HEMK2: variants seen among roughly 807,000 people sequenced by gnomAD.
The protein encoded by HEMK2 is HemK methyltransferase 2, ETF1 glutamine and histone H4 lysine.
chr21:28,841,399 A>G, the HEMK2 span, among the ~76,000 whole-genome samples: 1 of 38,046 alleles, frequency 2.6e-5, no homozygotes, highest in Non-Finnish European at 3.8e-5. Flanking sequence ...AAAATATTAT[A>G]TATATAATAT....
chr21:28,858,195 A>C, the HEMK2 span, among the ~76,000 whole-genome samples: 1 of 152,192 alleles, frequency 6.6e-6, no homozygotes, highest in African/African-American at 2.4e-5. Flanking sequence ...GCAAATAGCT[A>C]TGATTTGTTT....
chr21:28,688,992 T>C, the HEMK2 span, among the ~76,000 whole-genome samples: 8 of 152,116 alleles, frequency 5.3e-5, no homozygotes, highest in African/African-American at 7.2e-5. Flanking sequence ...ACAGAGACAA[T>C]ATGGCACACA....
the HEMK2 span, among the ~76,000 whole-genome samples, chr21:28,680,097 T>A: frequency 6.6e-6 from 1 of 152,120 alleles, no homozygotes; most frequent in Non-Finnish European, 1.5e-5. Context: ...CTTTAAAAAA[T>A]CAATGAATCC....
chr21:28,865,059 T>C, the HEMK2 span, among the ~76,000 whole-genome samples: 1 of 152,144 alleles, frequency 6.6e-6, no homozygotes, highest in Non-Finnish European at 1.5e-5. Context: ...CACTACCATC[T>C]CTTCATTTAA....
the HEMK2 span, among the ~76,000 whole-genome samples, chr21:28,829,108 ATCC>A: frequency 6.6e-6 from 1 of 152,188 alleles, no homozygotes; most frequent in South Asian, 2.1e-4. Context: ...GCCTGGAGGG[ATCC>A]TCAACAATCT....
the HEMK2 span, among the ~76,000 whole-genome samples, chr21:28,590,189 G>A: frequency 6.6e-6 from 1 of 152,154 alleles, no homozygotes; most frequent in Non-Finnish European, 1.5e-5. Context: ...TGTCAACAAA[G>A]CCTGCAGATT....
the HEMK2 span, among the ~76,000 whole-genome samples, chr21:28,581,159 A>G: frequency 6.6e-6 from 1 of 152,092 alleles, no homozygotes; most frequent in African/African-American, 2.4e-5. Context: ...GGTGAGACAG[A>G]ACATACTTAT....
the HEMK2 span, among the ~76,000 whole-genome samples, chr21:28,697,619 T>C: frequency 1.3e-5 from 2 of 152,016 alleles, no homozygotes; most frequent in East Asian, 1.9e-4. Flanking sequence ...CAAGAGCTAG[T>C]TGTTGAAAAG....
At chr21:28,866,175 A>AAAAAAAAAAAAAAAAAAAAAAC in the HEMK2 span, among the ~76,000 whole-genome samples, 1 of 76,234 alleles carries the variant, frequency 1.3e-5, no homozygotes, top group Non-Finnish European at 2.5e-5. Context: ...CAAAAAAAAA[A>AAAAAAAAAAAAAAAAAAAAAAC]ACACACACAC....
At chr21:28,693,449 C>T in the HEMK2 span, among the ~76,000 whole-genome samples, 268 of 152,168 alleles carry the variant, frequency 1.8e-3, 1 homozygote, top group African/African-American at 6.2e-3. Flanking sequence ...CTTTTAAGCC[C>T]GATCAACTGG....
chr21:28,883,170 GCAT>G, the HEMK2 span: 1 of 674,476 alleles, frequency 1.5e-6, no homozygotes, highest in Non-Finnish European at 2.3e-6. Flanking sequence ...TATTTCTCTA[GCAT>G]CATCACTCAC....
the HEMK2 span, among the ~76,000 whole-genome samples, chr21:28,793,482 A>G: frequency 7.2e-5 from 11 of 152,274 alleles, no homozygotes; most frequent in South Asian, 2.3e-3. Context: ...TCTGTCAAAT[A>G]AGTGTGTTTT....
At chr21:28,612,145 C>A in the HEMK2 span, among the ~76,000 whole-genome samples, 1 of 151,286 alleles carries the variant, frequency 6.6e-6, no homozygotes. Flanking sequence ...AGACCAACAT[C>A]CCTGATGAAC....
At chr21:28,594,654 T>C in the HEMK2 span, among the ~76,000 whole-genome samples, 1 of 152,202 alleles carries the variant, frequency 6.6e-6, no homozygotes, top group East Asian at 1.9e-4. Context: ...ATTTCAAAAC[T>C]AATTTTCTCC....
the HEMK2 span, among the ~76,000 whole-genome samples, chr21:28,605,721 C>T: frequency 1.7e-4 from 26 of 152,008 alleles, 1 homozygote; most frequent in Admixed American, 6.6e-5. Flanking sequence ...TGAGTTAATC[C>T]ATGTATCGTG....
At chr21:28,587,532 T>C in the HEMK2 span, among the ~76,000 whole-genome samples, 1 of 152,330 alleles carries the variant, frequency 6.6e-6, no homozygotes, top group South Asian at 2.1e-4. Context: ...ACTACATGGG[T>C]AAGCCACCTT....
the HEMK2 span, among the ~76,000 whole-genome samples, chr21:28,704,293 C>G: frequency 2.0e-5 from 3 of 152,140 alleles, no homozygotes; most frequent in Non-Finnish European, 4.4e-5. Context: ...TATCCCTTCT[C>G]AGACCTCCTA....
chr21:28,771,449 C>T, the HEMK2 span, among the ~76,000 whole-genome samples: 1 of 151,076 alleles, frequency 6.6e-6, no homozygotes, highest in South Asian at 2.1e-4. Context: ...CAACTGGGGA[C>T]TGCTACTGGC....
At chr21:28,584,720 A>G in the HEMK2 span, among the ~76,000 whole-genome samples, 1 of 152,104 alleles carries the variant, frequency 6.6e-6, no homozygotes, top group Admixed American at 6.5e-5. Context: ...ACTTGGGCGG[A>G]GTAGGAAAGC....
Sources: allele counts gnomAD v4.1 joint callset (sites outside exome capture counted in the v4.1 genomes callset), GRCh38; gene constraint gnomAD v4.1.1; transcripts MANE v1.5; gene names NCBI Gene and HGNC (gene_info 2026-07-23, HGNC 2026-07-21).